Variants in DNAJC5B observed in about 807,000 individuals in gnomAD.
DNAJC5B encodes dnaJ homolog subfamily C member 5B.
In DNAJC5B, 23 loss-of-function variants were observed where a neutral mutation model predicts 24.7. That is an observed-to-expected ratio of 0.93 (90% CI 0.67 to 1.32). DNAJC5B has a LOEUF of 1.32. Ranked by LOEUF, DNAJC5B falls within the 40% of genes most tolerant of loss-of-function variation. The probability of loss-of-function intolerance (pLI) is 0.00; values close to 1 mark genes in which losing one functional copy is unlikely to be tolerated. For missense variants in DNAJC5B, 238 were observed against 240.8 expected, an observed-to-expected ratio of 0.99 and a Z score of 0.08; for synonymous variants, 101 against 90.1, an observed-to-expected ratio of 1.12 and a Z score of -0.68.
At chr8:66,092,276 T>C (rs1291273369) in intron 5 of DNAJC5B, among the ~76,000 whole-genome samples, 2 of 152,200 alleles carry the variant, frequency 1.3e-5, no homozygotes, top group East Asian at 3.8e-4. Context: ...GAGAGTCCTT[T>C]GTTCTCTGCA....
intron 5 of DNAJC5B, among the ~76,000 whole-genome samples, chr8:66,082,577 T>A (rs1211533481): frequency 6.6e-6 from 1 of 151,996 alleles, no homozygotes; most frequent in African/African-American, 2.4e-5. Flanking sequence ...AGCTATCAAT[T>A]CCATCACAGA....
At chr8:66,089,060 A>C (rs1807790622) in intron 5 of DNAJC5B, among the ~76,000 whole-genome samples, 1 of 152,174 alleles carries the variant, frequency 6.6e-6, no homozygotes, top group African/African-American at 2.4e-5. Context: ...ACCACCTGAG[A>C]CTGGGTAATT....
chr8:66,036,757 T>TTTTAA, intron 1 of DNAJC5B, among the ~76,000 whole-genome samples: 1 of 152,254 alleles, frequency 6.6e-6, no homozygotes, highest in East Asian at 1.9e-4. Context: ...TTTTTTTTCT[T>TTTTAA]TTTAATTTAA....
At chr8:66,053,303 T>C (rs1004576106) in intron 3 of DNAJC5B, among the ~76,000 whole-genome samples, 1 of 152,184 alleles carries the variant, frequency 6.6e-6, no homozygotes, top group African/African-American at 2.4e-5. Context: ...CAGAAACTTT[T>C]GACTTGTGAT....
chr8:66,084,701 A>G (rs913293499), intron 5 of DNAJC5B, among the ~76,000 whole-genome samples: 2 of 152,218 alleles, frequency 1.3e-5, no homozygotes, highest in African/African-American at 2.4e-5. Context: ...ACTCAAGGAT[A>G]CCAAAACACA....
Position 66,099,991 on chromosome 8 carries a change from T to G in DNAJC5B, c.560T>G (p.Leu187Arg), listed in dbSNP as rs1563616232. The stretch of plus-strand genomic sequence containing the variant: ...ACAAATGCAAATGAGAAAACACAGC[T>G]AATCAAAGAAGGATCTCGAAGTTAT... ...QPTNANEKTQ[L>R]IKEGSRSYCT... The change falls in exon 6 of 6, where the codon CTA becomes CGA. Residue 187 changes from leucine to arginine, a missense_variant. Leu to Arg is a moderately radical substitution (Grantham distance 102, BLOSUM62 -2). Transcript: ENST00000276570. The G allele has an allele frequency of 6.2e-7, 1 of 1,614,050 alleles. No homozygotes were observed.
At chr8:66,095,798 A>G (rs888353720) in intron 5 of DNAJC5B, among the ~76,000 whole-genome samples, 2 of 151,678 alleles carry the variant, frequency 1.3e-5, no homozygotes, top group Non-Finnish European at 2.9e-5. Context: ...TTAATTTTCA[A>G]TCTTGGGATT....
At chr8:66,042,829 A>C (rs975075238) in intron 1 of DNAJC5B, among the ~76,000 whole-genome samples, 2 of 151,612 alleles carry the variant, frequency 1.3e-5, no homozygotes, top group Non-Finnish European at 2.9e-5. Context: ...ACTAGAGGTG[A>C]GAGTGCTCTG....
At position 66,034,714 on chromosome 8, in the gene DNAJC5B, G is replaced by C. The variant is rs145705887; in HGVS notation, c.-141-8774G>C. On this transcript the variant is annotated intron_variant, in intron 1 of 5. Coordinates refer to ENST00000276570, the MANE Select transcript of DNAJC5B (RefSeq NM_033105.6). ...GGAGAGAGTAGAAGCTGAGTGCCAGGGTCATCTCAAAGAATATGGTGGAGT... is the reference window on the plus strand; with the variant it reads ...GGAGAGAGTAGAAGCTGAGTGCCAGCGTCATCTCAAAGAATATGGTGGAGT... Among the ~76,000 whole-genome samples the C allele has an allele frequency of 2.4e-3, 370 of 151,918 alleles. 1 individual carries two copies. The highest frequency in any genetic ancestry group is 8.7e-3 in the African/African-American group (361 of 41,396).
intron 1 of DNAJC5B, among the ~76,000 whole-genome samples, chr8:66,029,634 C>A (rs1394515642): frequency 6.6e-6 from 1 of 152,156 alleles, no homozygotes; most frequent in Non-Finnish European, 1.5e-5. Context: ...AAGTTCACTA[C>A]CTCTATTCAA....
intron 5 of DNAJC5B, among the ~76,000 whole-genome samples, chr8:66,096,892 G>C (rs1446616840): frequency 1.3e-5 from 2 of 151,874 alleles, no homozygotes; most frequent in Non-Finnish European, 2.9e-5. Flanking sequence ...TTTCGTGAGA[G>C]GCAATAGAGA....
intron 5 of DNAJC5B, among the ~76,000 whole-genome samples, chr8:66,082,806 G>T (rs182576457): frequency 2.4e-4 from 36 of 152,104 alleles, no homozygotes; most frequent in Admixed American, 2.1e-3. Context: ...ATGAGAAAAA[G>T]AAATCACAAC....
At chr8:66,048,229 G>T (rs1286423772) in intron 2 of DNAJC5B, among the ~76,000 whole-genome samples, 1 of 152,068 alleles carries the variant, frequency 6.6e-6, no homozygotes, top group Non-Finnish European at 1.5e-5. Context: ...ACATATTTCT[G>T]AGTATCCCTA....
At chr8:66,092,494 T>C (rs1399823496) in intron 5 of DNAJC5B, among the ~76,000 whole-genome samples, 1 of 152,104 alleles carries the variant, frequency 6.6e-6, no homozygotes, top group Admixed American at 6.5e-5. Context: ...GTTCTCGGGG[T>C]AATTCGCCTA....
intron 2 of DNAJC5B, among the ~76,000 whole-genome samples, chr8:66,048,291 C>T (rs1806767397): frequency 1.3e-5 from 2 of 152,144 alleles, no homozygotes. Flanking sequence ...TGCCACCAGC[C>T]CTTCTCCTAT....
At chr8:66,085,737 C>T (rs1807709819) in intron 5 of DNAJC5B, among the ~76,000 whole-genome samples, 1 of 152,032 alleles carries the variant, frequency 6.6e-6, no homozygotes, top group Non-Finnish European at 1.5e-5. Flanking sequence ...TGTGATTCTT[C>T]CAACTTTATT....
At chr8:66,097,793 C>T (rs528808266) in intron 5 of DNAJC5B, among the ~76,000 whole-genome samples, 7 of 152,162 alleles carry the variant, frequency 4.6e-5, no homozygotes, top group African/African-American at 1.4e-4. Context: ...TTTTTTAGCT[C>T]CATAGTTTTA....
At chr8:66,073,729 G>C (rs1036645952) in intron 3 of DNAJC5B, among the ~76,000 whole-genome samples, 1 of 152,118 alleles carries the variant, frequency 6.6e-6, no homozygotes, top group Non-Finnish European at 1.5e-5. Context: ...TCCAGGGAAA[G>C]GATTTTCTTT....
At chr8:66,032,630 G>C (rs1157043139) in intron 1 of DNAJC5B, among the ~76,000 whole-genome samples, 1 of 152,134 alleles carries the variant, frequency 6.6e-6, no homozygotes, top group Non-Finnish European at 1.5e-5. Flanking sequence ...CCATGGGCCA[G>C]TCCAATCCTG....
Sources: allele counts gnomAD v4.1 joint callset (sites outside exome capture counted in the v4.1 genomes callset), GRCh38; gene constraint gnomAD v4.1.1; transcripts MANE v1.5; gene names NCBI Gene and HGNC (gene_info 2026-07-23, HGNC 2026-07-21).